Variants in SAAL1 observed in about 807,000 individuals in gnomAD.
SAAL1 encodes serum amyloid A like 1.
A neutral mutation model predicts 59.8 loss-of-function variants in SAAL1; 42 were observed. The ratio of observed to expected loss-of-function variants is 0.70; its 90% CI spans 0.55 to 0.91. The LOEUF (loss-of-function observed/expected upper bound fraction) is 0.91, where lower values mean the gene tolerates loss of function less well. Among genes scored for constraint, SAAL1 ranks in the 40% least tolerant of loss-of-function variants. The pLI is 0.00. For synonymous variants in SAAL1, 191 were observed against 194.3 expected (o/e 0.98, Z 0.14); for missense variants, 542 against 561.1 (o/e 0.97, Z 0.34).
intron 4 of SAAL1, among the ~76,000 whole-genome samples, chr11:18,091,516 C>T (rs188043179): frequency 4.6e-5 from 7 of 152,290 alleles, no homozygotes; most frequent in Admixed American, 2.6e-4. Context: ...AACCCAGGTA[C>T]TTGAATCCTG....
intron 4 of SAAL1, among the ~76,000 whole-genome samples, chr11:18,091,230 C>T (rs533875966): frequency 1.4e-5 from 2 of 142,812 alleles, no homozygotes; most frequent in Admixed American, 6.9e-5. Context: ...TGCATATGTT[C>T]CAACGTGACC....
intron 3 of SAAL1, among the ~76,000 whole-genome samples, chr11:18,094,452 C>T (rs905175113): frequency 8.5e-5 from 13 of 152,092 alleles, no homozygotes; most frequent in African/African-American, 3.1e-4. Flanking sequence ...TACCAAGGGA[C>T]AACTGTAGAG....
At chr11:18,102,397 CAAA>C (rs1229550097) in intron 2 of SAAL1, among the ~76,000 whole-genome samples, 9 of 97,848 alleles carry the variant, frequency 9.2e-5, no homozygotes, top group Non-Finnish European at 2.1e-5. Context: ...GACTCCATCT[CAAA>C]AAAAAAAAAA....
At chr11:18,080,548 G>A in intron 11 of SAAL1, 57 bp from the exon 12 acceptor site, 2 of 1,140,198 alleles carry the variant, frequency 1.8e-6, no homozygotes, top group Non-Finnish European at 2.5e-6. Context: ...CGTGCTTTAA[G>A]GTACTGATTG....
chr11:18,081,818 T>C (rs551065719), intron 10 of SAAL1: 25 of 253,822 alleles, frequency 9.8e-5, no homozygotes, highest in Admixed American at 5.7e-4. Flanking sequence ...AAATCTCTCT[T>C]ACCCCCATCC....
intron 10 of SAAL1, among the ~76,000 whole-genome samples, chr11:18,082,360 T>A (rs1282125947): frequency 1.3e-5 from 2 of 151,730 alleles, no homozygotes; most frequent in African/African-American, 4.8e-5. Flanking sequence ...CAAATCAAAG[T>A]AAGACACAAT....
Position 18,100,452 on chromosome 11 carries a change from G to A in SAAL1, c.249+2781C>T, listed in dbSNP as rs149637577. On this transcript the variant is annotated intron_variant, in intron 2 of 11. Coordinates refer to ENST00000524803, the MANE Select transcript of SAAL1 (RefSeq NM_138421.3). Reference sequence around the variant, plus strand: ...ATTAGAAAGTATTCTGAACTTCTGCGGGCATGGTGGCTCACGCCTGTAATC... The same window carrying A: ...ATTAGAAAGTATTCTGAACTTCTGCAGGCATGGTGGCTCACGCCTGTAATC... 3.5e-3 allele frequency among the ~76,000 whole-genome samples: 534 copies of A among 152,312 alleles called. 3 individuals are homozygous for A. The highest frequency in any genetic ancestry group is 0.012 in the African/African-American group (512 of 41,566).
chr11:18,080,519 C>A, intron 11 of SAAL1, 28 bp from the exon 12 acceptor site: 1 of 1,484,686 alleles, frequency 6.7e-7, no homozygotes, highest in South Asian at 1.2e-5. Context: ...AAACAAAAAT[C>A]AAACACAGAA....
At chr11:18,092,362 G>T in intron 3 of SAAL1, 38 bp from the exon 4 acceptor site, 1 of 1,268,972 alleles carries the variant, frequency 7.9e-7, no homozygotes, top group Non-Finnish European at 1.1e-6. Context: ...ATGGCTCTGA[G>T]ACGAAAGACG....
At chr11:18,089,568 T>A (rs981902215) in intron 6 of SAAL1, 58 bp from the exon 7 acceptor site, 53 of 1,489,022 alleles carry the variant, frequency 3.6e-5, no homozygotes, top group Non-Finnish European at 4.6e-5. Context: ...GCAATAGGGT[T>A]AAGCAAAATT....
Position 18,103,217 on chromosome 11 carries a change from GT to G in SAAL1, c.249+15del, listed in dbSNP as rs750283802. ...CTCACCCAACAGTCTTCAGAGTTTT[GT>G]TTCCAGCCTCATACCTCATCCATTG... On this transcript the variant is annotated intron_variant, in intron 2 of 11. Coordinates refer to ENST00000524803, the MANE Select transcript of SAAL1 (RefSeq NM_138421.3). The G allele has an allele frequency of 1.3e-6, 2 of 1,540,284 alleles. No homozygotes were observed.
rs772461882 is a variant in SAAL1 at position 18,103,258 on chromosome 11, C to G, written c.224G>C (p.Arg75Thr). The G allele has an allele frequency of 1.9e-5, 31 of 1,613,272 alleles. No individual in the cohort carries two copies. Among genetic ancestry groups the G allele is most frequent in the Non-Finnish European group, 2.5e-5 (30 of 1,179,248 alleles). ...CTCATCCATTGACATATCCCATACT[C>G]TGCAAATTTCATTCTCCATTTCTTC... ...LDEEMENEIC[R>T]VWDMSMDEDV... The change falls in exon 2 of 12, where the codon AGA (arginine) becomes ACA (threonine). Residue 75 changes from arginine to threonine, a missense_variant. Transcript: ENST00000524803.
At chr11:18,105,826 G>C in intron 1 of SAAL1, 81 bp downstream of exon 1, 2 of 1,452,880 alleles carry the variant, frequency 1.4e-6, no homozygotes, top group African/African-American at 2.8e-5. Context: ...GCGGCTCCCG[G>C]GGCAGGAGGA....
chr11:18,089,963 C>A (rs549495040), intron 6 of SAAL1, among the ~76,000 whole-genome samples: 23 of 152,190 alleles, frequency 1.5e-4, no homozygotes, highest in Admixed American at 9.2e-4. Flanking sequence ...CAGAAGGATA[C>A]CTTGAGATCA....
chr11:18,090,505 AAGAAG>A lies in SAAL1; in HGVS notation c.414-17_414-13del, dbSNP rs1590286922. 1.2e-6 allele frequency: 2 copies of A among 1,600,788 alleles called. No homozygotes were observed. Among genetic ancestry groups the A allele is most frequent in the East Asian group, 4.5e-5 (2 of 44,668 alleles). On this transcript the variant is annotated splice_polypyrimidine_tract_variant and intron_variant, in intron 4 of 11. Transcript: ENST00000524803. ...GCAATAACACCTGCCTACAAAAACA[AAGAAG>A]TTAACCGATATGCCTCACTTCTCGC...
intron 7 of SAAL1, 152 bp downstream of exon 7, chr11:18,089,178 G>A (rs752103832): frequency 1.4e-5 from 8 of 588,232 alleles, no homozygotes; most frequent in East Asian, 3.3e-5. Context: ...CACTATACAG[G>A]TTGCATCACA....
chr11:18,092,005 C>G (rs1848528394), intron 4 of SAAL1, among the ~76,000 whole-genome samples: 1 of 152,156 alleles, frequency 6.6e-6, no homozygotes, highest in African/African-American at 2.4e-5. Context: ...TGGCTTATTG[C>G]CACCAGCTGA....
rs1410800045 is a variant in SAAL1, at chr11:18,096,804, TC to T, written c.299del (p.Gly100GlufsTer11). The T allele has an allele frequency of 1.9e-6, 3 of 1,586,936 alleles. No homozygotes were observed. The highest frequency in any genetic ancestry group is 2.6e-6 in the Non-Finnish European group (3 of 1,162,170). ...GAGGACACTTGGACTTGGCCAGTAC[TC>T]CCATGAATATATCAGGAGCATTAAA... Reference protein sequence around the residue: ...QEFNAPDIFMGVLAKSKCPRL... With the variant: ...QEFNAPDIFMXVLAKSKCPRL... On this transcript the variant is annotated frameshift_variant, in exon 3 of 12. Coordinates refer to ENST00000524803, the MANE Select transcript of SAAL1 (RefSeq NM_138421.3). LOFTEE classifies it high-confidence loss of function.
At chr11:18,082,391 T>A (rs1848419977) in intron 10 of SAAL1, among the ~76,000 whole-genome samples, 1 of 152,132 alleles carries the variant, frequency 6.6e-6, no homozygotes, top group Non-Finnish European at 1.5e-5. Flanking sequence ...AACTTTGACA[T>A]AAAAATTATA....
Sources: gnomAD v4.1 joint callset for allele counts (sites outside exome capture counted in the v4.1 genomes callset) on GRCh38, gnomAD v4.1.1 for gene constraint, MANE v1.5 for transcripts, NCBI Gene and HGNC (gene_info 2026-07-23, HGNC 2026-07-21) for gene names.